Variants in IGFL2 observed in about 807,000 individuals in gnomAD.
The protein encoded by IGFL2 is IGF like family member 2.
In IGFL2, 7 loss-of-function variants were observed where a neutral mutation model predicts 13.9. The observed-to-expected ratio is 0.51, with a 90% CI of 0.29 to 0.95. The LOEUF is 0.95. Ranked by LOEUF, IGFL2 falls within the 40% of genes least tolerant of loss-of-function variation. IGFL2 has a pLI of 0.08. For synonymous variants in IGFL2, 55 were observed against 55.8 expected (o/e 0.99, Z 0.07); for missense variants, 138 against 147.8 (o/e 0.93, Z 0.34).
At chr19:46,170,254 G>A in the IGFL2 span, among the ~76,000 whole-genome samples, 119 of 152,074 alleles carry the variant, frequency 7.8e-4, no homozygotes, top group African/African-American at 2.5e-3. Flanking sequence ...GGGAAGTCAG[G>A]GAACCCGAAT....
the IGFL2 span, among the ~76,000 whole-genome samples, chr19:46,080,254 C>T: frequency 5.9e-5 from 9 of 152,288 alleles, no homozygotes; most frequent in Admixed American, 4.6e-4. Context: ...TACATTTAAG[C>T]TGCGAGCCGT....
At chr19:46,162,680 T>C (rs1306918194), downstream of IGFL2, among the ~76,000 whole-genome samples, 1 of 152,234 alleles carries the variant, frequency 6.6e-6, no homozygotes, top group Non-Finnish European at 1.5e-5. Flanking sequence ...AGCTATTTTG[T>C]CCTTTGGTTC....
At chr19:46,153,241 G>C (rs1206033264) in intron 1 of IGFL2, among the ~76,000 whole-genome samples, 1 of 152,160 alleles carries the variant, frequency 6.6e-6, no homozygotes, top group Non-Finnish European at 1.5e-5. Context: ...TTGGTATTAA[G>C]CCTTCTTTAA....
chr19:46,081,424 G>A, the IGFL2 span, among the ~76,000 whole-genome samples: 4 of 152,124 alleles, frequency 2.6e-5, no homozygotes, highest in African/African-American at 4.8e-5. Flanking sequence ...ACTATTAACT[G>A]ATCTGCAGAC....
At chr19:46,150,957 C>T (rs560365062) in intron 1 of IGFL2, among the ~76,000 whole-genome samples, 214 of 152,312 alleles carry the variant, frequency 1.4e-3, no homozygotes, top group South Asian at 3.3e-3. Context: ...TGAGCCATCA[C>T]GTCCAGCCCA....
At chr19:46,203,122 G>A in the IGFL2 span, 1 of 152,232 alleles carries the variant, frequency 6.6e-6, no homozygotes, top group Non-Finnish European at 1.5e-5. Context: ...TAGGATTTGG[G>A]TAGGTAGTGG....
the IGFL2 span, among the ~76,000 whole-genome samples, chr19:46,169,009 C>T: frequency 1.3e-5 from 2 of 151,626 alleles, no homozygotes; most frequent in South Asian, 4.2e-4. Context: ...CCACTGGTTG[C>T]TATATCCAAC....
At chr19:46,153,092 G>C (rs1165462671) in intron 1 of IGFL2, among the ~76,000 whole-genome samples, 1 of 152,134 alleles carries the variant, frequency 6.6e-6, no homozygotes, top group African/African-American at 2.4e-5. Flanking sequence ...GAGGATTTTT[G>C]AACTTATATT....
the IGFL2 span, among the ~76,000 whole-genome samples, chr19:46,183,828 G>A: frequency 1.3e-5 from 2 of 152,044 alleles, no homozygotes; most frequent in African/African-American, 2.4e-5. Context: ...GAGCCACCAC[G>A]CCCAGCCTTG....
the IGFL2 span, among the ~76,000 whole-genome samples, chr19:46,125,234 TA>T: frequency 6.6e-5 from 10 of 151,918 alleles, no homozygotes; most frequent in South Asian, 2.1e-3. Flanking sequence ...ATAAAGGGGG[TA>T]GGGGTGGAGA....
the IGFL2 span, among the ~76,000 whole-genome samples, chr19:46,133,983 T>C: frequency 6.6e-6 from 1 of 152,084 alleles, no homozygotes; most frequent in Non-Finnish European, 1.5e-5. Context: ...AAAGAGCTGG[T>C]AGGGCTTTTT....
the IGFL2 span, among the ~76,000 whole-genome samples, chr19:46,105,982 A>G: frequency 6.6e-6 from 1 of 152,136 alleles, no homozygotes; most frequent in East Asian, 1.9e-4. Flanking sequence ...GAAAGGATTT[A>G]GGATTTATGG....
At chr19:46,184,907 C>A in the IGFL2 span, among the ~76,000 whole-genome samples, 1 of 152,178 alleles carries the variant, frequency 6.6e-6, no homozygotes, top group Non-Finnish European at 1.5e-5. Context: ...TCCACATCTT[C>A]TGTTGTTTCC....
intron 3 of IGFL2, 42 bp downstream of exon 3, chr19:46,160,923 G>C: frequency 6.2e-7 from 1 of 1,606,924 alleles, no homozygotes; most frequent in African/African-American, 1.3e-5. Context: ...GGGAAGGGAG[G>C]TGGAAATGAG....
At chr19:46,100,239 C>T in the IGFL2 span, among the ~76,000 whole-genome samples, 4 of 152,126 alleles carry the variant, frequency 2.6e-5, no homozygotes, top group African/African-American at 9.7e-5. Flanking sequence ...TTGATTCTTT[C>T]TCATCTATAT....
chr19:46,101,382 T>C, the IGFL2 span, among the ~76,000 whole-genome samples: 1 of 152,202 alleles, frequency 6.6e-6, no homozygotes, highest in Admixed American at 6.5e-5. Context: ...GGGCTCAGGC[T>C]CAGGGAGATC....
the IGFL2 span, among the ~76,000 whole-genome samples, chr19:46,188,827 C>T: frequency 4.6e-5 from 7 of 152,212 alleles, no homozygotes; most frequent in African/African-American, 7.2e-5. Context: ...CAGAGGCACA[C>T]CTTTAGCAAC....
chr19:46,086,020 G>A, the IGFL2 span, among the ~76,000 whole-genome samples: 1 of 151,818 alleles, frequency 6.6e-6, no homozygotes, highest in Non-Finnish European at 1.5e-5. Context: ...TTTTTTCTTT[G>A]TTTTTGTCTG....
chr19:46,084,760 A>C, the IGFL2 span, among the ~76,000 whole-genome samples: 1 of 152,220 alleles, frequency 6.6e-6, no homozygotes, highest in Non-Finnish European at 1.5e-5. Context: ...ATATGTCCCC[A>C]TGATACAAGC....
Sources: gnomAD v4.1 joint callset for allele counts (sites outside exome capture counted in the v4.1 genomes callset) on GRCh38, gnomAD v4.1.1 for gene constraint, MANE v1.5 for transcripts, NCBI Gene and HGNC (gene_info 2026-07-23, HGNC 2026-07-21) for gene names.